The following SUCO variants were observed in gnomAD, a reference collection of about 807,000 sequenced individuals.
SUCO encodes the protein SUN domain-containing ossification factor.
A neutral mutation model predicts 148.1 loss-of-function variants in SUCO; 57 were observed. The ratio of observed to expected loss-of-function variants is 0.38; its 90% confidence interval spans 0.31 to 0.48. The LOEUF is 0.48. Among genes scored for constraint, SUCO ranks in the 20% least tolerant of loss-of-function variants. SUCO has a pLI of 0.96. For missense variants in SUCO, 1,331 were observed against 1,468.2 expected (o/e 0.91, Z 1.53); for synonymous variants, 470 against 502.7 (o/e 0.93, Z 0.87).
intron 22 of SUCO, chr1:172,608,537 C>T (rs2149275005): frequency 1.8e-6 from 1 of 564,124 alleles, no homozygotes; most frequent in Non-Finnish European, 3.1e-6. Flanking sequence ...ACCAGTCAAG[C>T]ATAGGAATCA....
At chr1:172,555,815 G>T in intron 3 of SUCO, 54 bp from the exon 4 acceptor site, 1 of 1,414,094 alleles carries the variant, frequency 7.1e-7, no homozygotes. Context: ...TTCTGCTAAA[G>T]AGATGTTATA....
intron 6 of SUCO, among the ~76,000 whole-genome samples, chr1:172,565,722 CAG>C (rs1162393047): frequency 4.6e-5 from 7 of 152,052 alleles, no homozygotes; most frequent in African/African-American, 1.7e-4. Context: ...ACACAGTTGA[CAG>C]AAAGTTAAAA....
Position 172,589,111 on chromosome 1 carries a change from G to A in SUCO, c.2010G>A (p.Ala670=), listed in dbSNP as rs377516980. The A allele has an allele frequency of 7.2e-5, 116 of 1,613,238 alleles. No individual in the cohort carries two copies. The highest frequency in any genetic ancestry group is 4.5e-4 in the African/African-American group (34 of 74,868). ...VLAQPPLLLP[A]ESVDVSVLQP... ...CTCAACCACCCTTACTACTTCCTGC[G>A]GAATCAGTAGATGTTTCAGTATTGC... Residue 670 remains alanine, a synonymous_variant, in exon 18 of 24, where the codon GCG becomes GCA. Transcript: ENST00000263688.
intron 6 of SUCO, among the ~76,000 whole-genome samples, chr1:172,561,271 G>C (rs1053480429): frequency 6.6e-6 from 1 of 152,196 alleles, no homozygotes; most frequent in Non-Finnish European, 1.5e-5. Context: ...TGGTGGGGAG[G>C]TTCAGGTGGA....
At chr1:172,601,981 T>G in intron 20 of SUCO, 83 bp from the exon 21 acceptor site, 1 of 1,332,906 alleles carries the variant, frequency 7.5e-7, no homozygotes. Context: ...CTTAAAATGA[T>G]TTGTCCTTTG....
chr1:172,542,886 A>G (rs964899649), intron 1 of SUCO: 43 of 985,314 alleles, frequency 4.4e-5, no homozygotes, highest in Non-Finnish European at 5.1e-5. Context: ...AATGTCTTAG[A>G]TAAGTTTGGA....
At chr1:172,565,834 G>A (rs1192941245) in intron 6 of SUCO, among the ~76,000 whole-genome samples, 4 of 152,260 alleles carry the variant, frequency 2.6e-5, no homozygotes, top group Admixed American at 1.3e-4. Flanking sequence ...TGCTCAGGAT[G>A]TGTTTCAGGG....
At position 172,570,651 on chromosome 1, in the gene SUCO, T is replaced by C. The variant is rs1482433394; in HGVS notation, c.982-12T>C. 1.3e-6 allele frequency: 2 copies of C among 1,542,376 alleles called. No homozygotes were observed. Among genetic ancestry groups the C allele is most frequent in the Non-Finnish European group, 1.8e-6 (2 of 1,122,236 alleles). On this transcript the variant is annotated splice_polypyrimidine_tract_variant and intron_variant, in intron 8 of 23. Transcript: ENST00000263688. ...CTTAAGTAATTTGTTTCCTTTCCTC[T>C]TTTTAAAATAGAGCACATCTGCTAT...
At chr1:172,595,799 A>T (rs1013925081) in intron 19 of SUCO, among the ~76,000 whole-genome samples, 2 of 151,930 alleles carry the variant, frequency 1.3e-5, no homozygotes, top group Non-Finnish European at 2.9e-5. Flanking sequence ...CGTTCTGTGT[A>T]TTTCCTGAAT....
At chr1:172,554,111 C>T (rs969459310) in intron 3 of SUCO, among the ~76,000 whole-genome samples, 1 of 151,586 alleles carries the variant, frequency 6.6e-6, no homozygotes, top group Non-Finnish European at 1.5e-5. Flanking sequence ...TATTTTTTAA[C>T]CTTGTACTTT....
At chr1:172,594,204 G>A (rs1169947849) in intron 19 of SUCO, among the ~76,000 whole-genome samples, 1 of 148,904 alleles carries the variant, frequency 6.7e-6, no homozygotes, top group Non-Finnish European at 1.5e-5. Context: ...TATCAATTTT[G>A]TTGATCTTTT....
In SUCO at chr1:172,551,475, C is replaced by A. The variant is rs754177821; in HGVS notation, c.63-37C>A. ...ACTTTTCTTCTTTCTTTCTCTTTCT[C>A]TTTTTCTGTTTGTTGGTGGTGGTGG... On this transcript the variant is annotated intron_variant, in intron 1 of 23. Coordinates refer to ENST00000263688, the MANE Select transcript of SUCO (RefSeq NM_014283.5). The A allele has an allele frequency of 3.8e-6, 5 of 1,332,842 alleles. No homozygotes were observed. In the East Asian group the frequency reaches 1.2e-4, roughly 32 times the overall value. 82.6% of individuals were successfully genotyped at this position (1,332,842 alleles called of 1,614,324 possible). A position where few individuals can be genotyped will look rare whatever the true frequency, so the allele number is the denominator to read the frequency against.
At chr1:172,547,418 G>A (rs1450288398) in intron 1 of SUCO, among the ~76,000 whole-genome samples, 1 of 152,150 alleles carries the variant, frequency 6.6e-6, no homozygotes, top group Admixed American at 6.6e-5. Context: ...AAGTAGAATT[G>A]CAACTGCTGA....
intron 10 of SUCO, chr1:172,575,010 TGAG>T (rs1017314727): frequency 7.6e-6 from 3 of 392,330 alleles, no homozygotes; most frequent in African/African-American, 6.6e-5. Flanking sequence ...CTCATTATTT[TGAG>T]GAGTTCTTAT....
chr1:172,577,879 G>T (rs935507708), intron 13 of SUCO, 60 bp downstream of exon 13: 24 of 1,318,944 alleles, frequency 1.8e-5, no homozygotes, highest in Non-Finnish European at 2.2e-5. Context: ...CAAAATTTTC[G>T]ATATATTTAA....
chr1:172,555,833 C>G (rs768796388), intron 3 of SUCO, 36 bp from the exon 4 acceptor site: 1 of 1,538,542 alleles, frequency 6.5e-7, no homozygotes, highest in East Asian at 2.3e-5. Context: ...ATATTAATCT[C>G]AACATTTAAT....
At chr1:172,607,853 T>A (rs1429587097) in intron 22 of SUCO, among the ~76,000 whole-genome samples, 2 of 151,980 alleles carry the variant, frequency 1.3e-5, no homozygotes, top group African/African-American at 4.8e-5. Flanking sequence ...TCTCAATAAA[T>A]CTCTGAAATA....
chr1:172,574,565 T>A (rs945376815), intron 10 of SUCO, among the ~76,000 whole-genome samples: 3 of 152,062 alleles, frequency 2.0e-5, no homozygotes, highest in African/African-American at 7.2e-5. Flanking sequence ...TTTCTTCCAG[T>A]CTTTACTATG....
intron 2 of SUCO, chr1:172,552,732 C>T: frequency 1.5e-6 from 1 of 659,816 alleles, no homozygotes; most frequent in Non-Finnish European, 1.9e-6. Context: ...AAGCATTTTG[C>T]AAACAAATGT....
Sources: gnomAD v4.1 joint callset for allele counts (sites outside exome capture counted in the v4.1 genomes callset) on GRCh38, gnomAD v4.1.1 for gene constraint, MANE v1.5 for transcripts, NCBI Gene and HGNC (gene_info 2026-07-23, HGNC 2026-07-21) for gene names.